Variants in RBMS3 observed in about 807,000 individuals in gnomAD.
RBMS3 encodes the protein RNA binding motif single stranded interacting protein 3.
RBMS3 carries 27 observed loss-of-function variants against 66.8 expected under a neutral mutation model. The observed-to-expected ratio is 0.40, with a 90% CI of 0.30 to 0.56. RBMS3 has a LOEUF of 0.56. Ranked by LOEUF, RBMS3 falls within the 20% of genes least tolerant of loss-of-function variation. The pLI, the probability that RBMS3 is intolerant of heterozygous loss-of-function variation, is 0.40. For missense variants in RBMS3, 513 were observed against 549.5 expected, an observed-to-expected ratio of 0.93 and a Z score of 0.66; for synonymous variants, 188 against 183.0, an observed-to-expected ratio of 1.03 and a Z score of -0.22.
intron 1 of RBMS3, among the ~76,000 whole-genome samples, chr3:29,359,849 A>G (rs2037459501): frequency 6.6e-6 from 1 of 152,178 alleles, no homozygotes; most frequent in African/African-American, 2.4e-5. Flanking sequence ...TGTTTATAGT[A>G]TTCTCTGATG....
intron 6 of RBMS3, among the ~76,000 whole-genome samples, chr3:29,775,921 A>T (rs2056412501): frequency 6.6e-6 from 1 of 152,026 alleles, no homozygotes; most frequent in Admixed American, 6.6e-5. Flanking sequence ...ATCTTTACCT[A>T]ATTTGAATGA....
chr3:29,805,139 C>T (rs773854213), intron 6 of RBMS3, among the ~76,000 whole-genome samples: 3 of 151,948 alleles, frequency 2.0e-5, no homozygotes, highest in Admixed American at 1.3e-4. Context: ...TATATGATGG[C>T]GGTCTCATCG....
chr3:29,825,439 C>A (rs954637427), intron 6 of RBMS3, among the ~76,000 whole-genome samples: 10 of 152,112 alleles, frequency 6.6e-5, no homozygotes, highest in African/African-American at 2.4e-4. Context: ...CTCCCCTAAT[C>A]CCCATGTGTT....
intron 2 of RBMS3, among the ~76,000 whole-genome samples, chr3:29,463,228 T>C (rs753017669): frequency 4.6e-5 from 7 of 152,212 alleles, no homozygotes; most frequent in Non-Finnish European, 8.8e-5. Context: ...TTGAGGGCAT[T>C]GTTGGTGCTC....
chr3:29,480,101 A>G (rs566218513), intron 2 of RBMS3, among the ~76,000 whole-genome samples: 141 of 152,354 alleles, frequency 9.3e-4, no homozygotes, highest in African/African-American at 3.2e-3. Context: ...CTGGAGATTC[A>G]GGACTGAGGA....
chr3:29,507,012 TAA>T (rs3043394), intron 3 of RBMS3, among the ~76,000 whole-genome samples: 1,551 of 144,824 alleles, frequency 0.011, 23 homozygotes, highest in African/African-American at 0.034. Context: ...TTTGTTTGTT[TAA>T]AAAAAAAAAA....
At chr3:29,734,075 A>T (rs895690540) in intron 4 of RBMS3, among the ~76,000 whole-genome samples, 2 of 152,114 alleles carry the variant, frequency 1.3e-5, no homozygotes, top group Non-Finnish European at 2.9e-5. Flanking sequence ...AAGAGAATAA[A>T]ATTCTGTCAT....
intron 3 of RBMS3, among the ~76,000 whole-genome samples, chr3:29,507,098 T>C (rs1424600307): frequency 6.6e-6 from 1 of 151,894 alleles, no homozygotes. Context: ...TCTTTGTTTT[T>C]TTTTATTCTG....
chr3:29,508,180 T>C (rs2044258888), intron 3 of RBMS3, among the ~76,000 whole-genome samples: 1 of 152,128 alleles, frequency 6.6e-6, no homozygotes. Flanking sequence ...TATAATATAA[T>C]CTATTTTTTC....
intron 4 of RBMS3, among the ~76,000 whole-genome samples, chr3:29,636,849 TA>T (rs1378649513): frequency 6.6e-6 from 1 of 151,896 alleles, no homozygotes; most frequent in African/African-American, 2.4e-5. Flanking sequence ...ATGAGTAAAG[TA>T]ACTGGCTGAA....
At chr3:29,983,752 G>A (rs1698170577) in intron 12 of RBMS3, among the ~76,000 whole-genome samples, 1 of 152,104 alleles carries the variant, frequency 6.6e-6, no homozygotes, top group Admixed American at 6.5e-5. Flanking sequence ...ATTCTCTTCT[G>A]GCTTGTAGGG....
chr3:29,452,905 A>G (rs2042060681), intron 2 of RBMS3, among the ~76,000 whole-genome samples: 1 of 152,206 alleles, frequency 6.6e-6, no homozygotes, highest in Non-Finnish European at 1.5e-5. Flanking sequence ...TTTTGAAAGT[A>G]TGCTTGAATA....
chr3:29,366,022 A>G (rs1348148716), intron 1 of RBMS3, among the ~76,000 whole-genome samples: 1 of 152,188 alleles, frequency 6.6e-6, no homozygotes, highest in Non-Finnish European at 1.5e-5. Flanking sequence ...AAAGTCACAT[A>G]GTATAATTTT....
At chr3:29,988,437 C>T (rs1033720060) in intron 13 of RBMS3, among the ~76,000 whole-genome samples, 4 of 152,162 alleles carry the variant, frequency 2.6e-5, no homozygotes, top group Admixed American at 6.5e-5. Context: ...TATGGAGGCA[C>T]GACGGGAGTC....
intron 1 of RBMS3, among the ~76,000 whole-genome samples, chr3:29,333,855 A>G (rs1054191456): frequency 8.5e-5 from 13 of 152,190 alleles, no homozygotes; most frequent in Non-Finnish European, 1.5e-4. Context: ...TGAAAATCCT[A>G]TTTAGTATTT....
At chr3:29,642,205 G>A (rs1352821441) in intron 4 of RBMS3, among the ~76,000 whole-genome samples, 1 of 152,070 alleles carries the variant, frequency 6.6e-6, no homozygotes, top group African/African-American at 2.4e-5. Flanking sequence ...TAGCCCAAGA[G>A]TTTGCAATTC....
chr3:29,947,463 G>A (rs1695397964), intron 12 of RBMS3, among the ~76,000 whole-genome samples: 1 of 151,560 alleles, frequency 6.6e-6, no homozygotes, highest in Non-Finnish European at 1.5e-5. Flanking sequence ...AGTTAAAGCA[G>A]AAATGGTGAT....
intron 6 of RBMS3, among the ~76,000 whole-genome samples, chr3:29,810,016 C>T (rs907336792): frequency 1.3e-5 from 2 of 151,964 alleles, no homozygotes; most frequent in African/African-American, 2.4e-5. Context: ...AAGGAATTTG[C>T]TTGCATTCTT....
intron 1 of RBMS3, among the ~76,000 whole-genome samples, chr3:29,366,432 A>G (rs982750353): frequency 1.3e-5 from 2 of 152,168 alleles, no homozygotes; most frequent in Non-Finnish European, 2.9e-5. Context: ...TGTTGTCTAG[A>G]CTAGAGCACA....
Sources: allele counts gnomAD v4.1 joint callset (sites outside exome capture counted in the v4.1 genomes callset), GRCh38; gene constraint gnomAD v4.1.1; transcripts MANE v1.5; gene names NCBI Gene and HGNC (gene_info 2026-07-23, HGNC 2026-07-21).